Variants in MAP2K5 observed in about 807,000 individuals in gnomAD.
MAP2K5 encodes dual specificity mitogen-activated protein kinase kinase 5.
MAP2K5 carries 49 observed loss-of-function variants against 83.1 expected under a neutral mutation model. The observed-to-expected ratio is 0.59, with a 90% CI of 0.47 to 0.75. The LOEUF is 0.75. Ranked by LOEUF, MAP2K5 falls within the 30% of genes least tolerant of loss-of-function variation. The probability of loss-of-function intolerance (pLI) is 0.00; values close to 1 mark genes in which losing one functional copy is unlikely to be tolerated. For synonymous variants in MAP2K5, 202 were observed against 191.8 expected (o/e 1.05, Z -0.44); for missense variants, 457 against 557.5 (o/e 0.82, Z 1.82).
intron 14 of MAP2K5, among the ~76,000 whole-genome samples, chr15:67,693,027 T>C (rs766443563): frequency 1.4e-4 from 21 of 152,210 alleles, no homozygotes; most frequent in Non-Finnish European, 2.8e-4. Flanking sequence ...GTGATGTTGA[T>C]TTGAATTGCA....
chr15:67,566,042 G>C (rs953164121), intron 3 of MAP2K5, among the ~76,000 whole-genome samples: 1 of 152,130 alleles, frequency 6.6e-6, no homozygotes, highest in Non-Finnish European at 1.5e-5. Context: ...AATTTGCATT[G>C]GTCTTTATTT....
intron 19 of MAP2K5, among the ~76,000 whole-genome samples, chr15:67,759,072 T>C (rs2089898155): frequency 6.6e-6 from 1 of 152,224 alleles, no homozygotes. Context: ...GCGAATCCTT[T>C]TAGAAAGATT....
chr15:67,795,973 CTAATA>C (rs886631092), intron 21 of MAP2K5, among the ~76,000 whole-genome samples: 11 of 152,072 alleles, frequency 7.2e-5, no homozygotes, highest in Non-Finnish European at 1.0e-4. Context: ...GATTCTATCT[CTAATA>C]TATTTTCCTT....
intron 3 of MAP2K5, among the ~76,000 whole-genome samples, chr15:67,564,447 G>T (rs1310692278): frequency 6.6e-6 from 1 of 152,172 alleles, no homozygotes; most frequent in Non-Finnish European, 1.5e-5. Context: ...TTCAGCTTCA[G>T]CCAGGATATT....
At chr15:67,590,446 C>CTCTCTCT (rs1555529574) in intron 6 of MAP2K5, among the ~76,000 whole-genome samples, 4 of 30,544 alleles carry the variant, frequency 1.3e-4, no homozygotes, top group East Asian at 8.5e-4. Context: ...TCCCTCCCTC[C>CTCTCTCT]CTCTCTCTCT....
At chr15:67,620,702 G>A (rs995270782) in intron 8 of MAP2K5, among the ~76,000 whole-genome samples, 1 of 151,950 alleles carries the variant, frequency 6.6e-6, no homozygotes, top group African/African-American at 2.4e-5. Flanking sequence ...AGATGAGAAG[G>A]GCTTGATTGA....
At chr15:67,595,913 A>G (rs2085514811) in intron 7 of MAP2K5, among the ~76,000 whole-genome samples, 1 of 152,194 alleles carries the variant, frequency 6.6e-6, no homozygotes, top group Non-Finnish European at 1.5e-5. Context: ...GAAGAATTTA[A>G]AAAGTGCACA....
rs1596703083 is a variant in MAP2K5, at chr15:67,640,033, C to A, written c.586-6198C>A. 6.6e-6 allele frequency among the ~76,000 whole-genome samples: 1 copy of A among 152,256 alleles called. No individual in the cohort carries two copies. The highest frequency in any genetic ancestry group is 1.5e-5 in the Non-Finnish European group (1 of 68,024). ...TTTTAAGGGTGTTATCACCAACTGC[C>A]TTGTATTTTGCTGTTAGTATACCTG... On this transcript the variant is annotated intron_variant, in intron 9 of 21. Coordinates refer to ENST00000178640, the MANE Select transcript of MAP2K5 (RefSeq NM_145160.3). The surrounding 1 kb of genome is among the most constrained non-coding windows in gnomAD (Gnocchi z 4.6).
In MAP2K5 at chr15:67,690,922, T is replaced by G. The variant is rs2088095122; in HGVS notation, c.848-1557T>G. Among the ~76,000 whole-genome samples, 4 of 152,316 alleles carry G rather than the reference T, an allele frequency of 2.6e-5. No individual in the cohort carries two copies. The highest frequency in any genetic ancestry group is 2.0e-4 in the Admixed American group (3 of 15,294). ...TGGAAGGGATACATTTAAAGATGTT[T>G]TAAGTATGCTCCTACCCTGTGAACT... On this transcript the variant is annotated intron_variant, in intron 13 of 21. Transcript: ENST00000178640. The surrounding 1 kb of genome is among the most constrained non-coding windows in gnomAD (Gnocchi z 4.3).
At chr15:67,771,998 T>C (rs957657904) in intron 20 of MAP2K5, among the ~76,000 whole-genome samples, 23 of 152,346 alleles carry the variant, frequency 1.5e-4, no homozygotes, top group African/African-American at 5.3e-4. Context: ...CATAGCTAAG[T>C]ACATGTTACA....
Position 67,543,242 on chromosome 15 carries a change from GC to G in MAP2K5, c.-91del. ...CCCTTGTTTTCACCCTCTGTCCTCT[GC>G]CCGTCACTCCCCTTGTCACCTCTTG... On this transcript the variant is annotated 5_prime_UTR_variant, in exon 1 of 22. Transcript: ENST00000178640. This position sits in a 1 kb window ranked among gnomAD's most constrained non-coding sequence, Gnocchi z 4.3. 7.7e-7 allele frequency: 1 copy of G among 1,291,658 alleles called. No homozygotes were observed. Among genetic ancestry groups the G allele is most frequent in the Non-Finnish European group, 1.1e-6 (1 of 899,206 alleles). The allele number at this position is 1,291,658 out of a possible 1,614,324, so 80.0% of individuals were successfully genotyped here. A position where few individuals can be genotyped will look rare whatever the true frequency, so the allele number is the denominator to read the frequency against.
At chr15:67,742,197 G>A (rs1596892550) in intron 17 of MAP2K5, among the ~76,000 whole-genome samples, 1 of 152,270 alleles carries the variant, frequency 6.6e-6, no homozygotes, top group Non-Finnish European at 1.5e-5. Flanking sequence ...GGCCAAGAAA[G>A]AACTTTGTTA....
chr15:67,589,709 G>C (rs932760669), intron 6 of MAP2K5, among the ~76,000 whole-genome samples: 2 of 151,922 alleles, frequency 1.3e-5, no homozygotes, highest in Non-Finnish European at 2.9e-5. Flanking sequence ...ACAATAATTG[G>C]AACTATCAAC....
chr15:67,779,083 A>G lies in MAP2K5; in HGVS notation c.1242+6331A>G, dbSNP rs919682678. 6.6e-6 allele frequency among the ~76,000 whole-genome samples: 1 copy of G among 152,232 alleles called. No individual in the cohort carries two copies. The highest frequency in any genetic ancestry group is 1.5e-5 in the Non-Finnish European group (1 of 68,040). On this transcript the variant is annotated intron_variant, in intron 21 of 21. Transcript: ENST00000178640. This position sits in a 1 kb window ranked among gnomAD's most constrained non-coding sequence, Gnocchi z 4.6. ...TTCATTTGGAAGTAGCTCATTAGCT[A>G]TGCCGCCCAGAATTTGCAGTGAGAA... is the stretch of plus-strand genomic sequence containing the variant.
At chr15:67,622,127 A>G (rs936092077) in intron 8 of MAP2K5, among the ~76,000 whole-genome samples, 2 of 146,592 alleles carry the variant, frequency 1.4e-5, no homozygotes, top group Admixed American at 1.4e-4. Flanking sequence ...CCTGGGCAAC[A>G]GAGTGAGGCT....
At chr15:67,655,856 G>C (rs372778032) in intron 11 of MAP2K5, among the ~76,000 whole-genome samples, 1 of 151,854 alleles carries the variant, frequency 6.6e-6, no homozygotes, top group Admixed American at 6.6e-5. Flanking sequence ...GCATATGTCC[G>C]TATGCTGGAT....
intron 11 of MAP2K5, among the ~76,000 whole-genome samples, chr15:67,649,303 G>A (rs888872895): frequency 6.6e-6 from 1 of 151,888 alleles, no homozygotes; most frequent in East Asian, 1.9e-4. Flanking sequence ...TATCAGATAT[G>A]GGATTTCCAA....
rs181622565 is a variant in MAP2K5 at position 67,604,787 on chromosome 15, C to T, written c.545+4038C>T. 2.8e-3 allele frequency among the ~76,000 whole-genome samples: 417 copies of T among 151,614 alleles called. 4 individuals carry two copies. The highest frequency in any genetic ancestry group is 9.5e-3 in the African/African-American group (394 of 41,388). ...GTGGGCGCCTGTAGTCCCAGCTACT[C>T]GGGAGGCTGGGGCAGGAGAATAGCT... On this transcript the variant is annotated intron_variant, in intron 8 of 21. Coordinates refer to ENST00000178640, the MANE Select transcript of MAP2K5 (RefSeq NM_145160.3).
At chr15:67,655,955 C>A (rs2087063939) in intron 11 of MAP2K5, among the ~76,000 whole-genome samples, 1 of 152,116 alleles carries the variant, frequency 6.6e-6, no homozygotes. Flanking sequence ...ATTGACCTAT[C>A]TTTACCTCCC....
Sources: gnomAD v4.1 joint callset for allele counts (sites outside exome capture counted in the v4.1 genomes callset) on GRCh38, gnomAD v4.1.1 for gene constraint, Gnocchi (gnomAD v3.1) non-coding constraint, MANE v1.5 for transcripts, NCBI Gene and HGNC (gene_info 2026-07-23, HGNC 2026-07-21) for gene names.